Variants in PROSER2 observed in about 807,000 individuals in gnomAD.
PROSER2 encodes the protein proline and serine rich 2.
PROSER2 carries 18 observed loss-of-function variants against 14.6 expected under a neutral mutation model. That is an observed-to-expected ratio of 1.23 (90% CI 0.85 to 1.83). PROSER2 has a LOEUF of 1.83. Among genes scored for constraint, PROSER2 ranks in the 40% most tolerant of loss-of-function variants. PROSER2 has a pLI of 0.00. For missense variants in PROSER2, 823 were observed against 629.8 expected, an observed-to-expected ratio of 1.31 and a Z score of -3.28; for synonymous variants, 367 against 286.4, an observed-to-expected ratio of 1.28 and a Z score of -2.84.
In PROSER2 at chr10:11,852,054, G is replaced by C; in HGVS notation, c.-24G>C. 1 of 1,586,272 alleles carries C rather than the reference G, an allele frequency of 6.3e-7. No homozygotes were observed. Among genetic ancestry groups the C allele is most frequent in the Non-Finnish European group, 8.6e-7 (1 of 1,164,782 alleles). On this transcript the variant is annotated 5_prime_UTR_variant, in exon 2 of 4. Coordinates refer to ENST00000277570, the MANE Select transcript of PROSER2 (RefSeq NM_153256.4). The stretch of plus-strand genomic sequence containing the variant: ...CTCCTGCCCTGCTTCCTGTGATCGA[G>C]CCGGCCCTGAGGACTCTGTGGAGAT...
chr10:11,869,830 C>T lies in PROSER2; in HGVS notation c.732C>T (p.His244=), dbSNP rs1834433651. 2 of 1,573,812 alleles carry T rather than the reference C, an allele frequency of 1.3e-6. No individual in the cohort carries two copies. Among genetic ancestry groups the T allele is most frequent in the East Asian group, 2.3e-5 (1 of 43,582 alleles). Residue 244 remains histidine (H), a synonymous_variant, in exon 4 of 4, where the codon CAC becomes CAT. Coordinates refer to ENST00000277570, the MANE Select transcript of PROSER2 (RefSeq NM_153256.4). The surrounding 1 kb of genome is among the most constrained non-coding windows in gnomAD (Gnocchi z 4.4). ...RSGDPGPGPS[H]PAQPKAPRFP... Reference sequence around the variant, plus strand: ...GAGACCCTGGCCCGGGGCCCAGCCACCCGGCGCAGCCCAAGGCACCCCGCT... The same window carrying T: ...GAGACCCTGGCCCGGGGCCCAGCCATCCGGCGCAGCCCAAGGCACCCCGCT...
chr10:11,846,602 T>G (rs1055972913), intron 1 of PROSER2, among the ~76,000 whole-genome samples: 1 of 152,226 alleles, frequency 6.6e-6, no homozygotes, highest in Non-Finnish European at 1.5e-5. Context: ...ATTTTTTAGG[T>G]CGATAGCATT....
chr10:11,832,382 A>G (rs1204952084), intron 1 of PROSER2, among the ~76,000 whole-genome samples: 1 of 152,186 alleles, frequency 6.6e-6, no homozygotes, highest in African/African-American at 2.4e-5. Flanking sequence ...GTTGCTTCAT[A>G]TGCTTCATAT....
At chr10:11,841,899 T>G (rs1833850411) in intron 1 of PROSER2, among the ~76,000 whole-genome samples, 1 of 152,188 alleles carries the variant, frequency 6.6e-6, no homozygotes, top group Non-Finnish European at 1.5e-5. Flanking sequence ...TCCCATTATA[T>G]TGTTTAAGTC....
chr10:11,860,226 T>C (rs1221856253), intron 2 of PROSER2, among the ~76,000 whole-genome samples: 4 of 152,178 alleles, frequency 2.6e-5, no homozygotes, highest in African/African-American at 9.7e-5. Context: ...CAGCACTCAC[T>C]CCAGCCCCAC....
intron 1 of PROSER2, among the ~76,000 whole-genome samples, chr10:11,833,235 C>CTTTTTTGTTTTTT (rs1833711691): frequency 1.1e-5 from 1 of 87,668 alleles, no homozygotes; most frequent in Non-Finnish European, 2.0e-5. Context: ...AATGTTGTGG[C>CTTTTTTGTTTTTT]TTTTTTTTTT....
intron 1 of PROSER2, among the ~76,000 whole-genome samples, chr10:11,839,877 G>A (rs1442521196): frequency 1.3e-5 from 2 of 151,394 alleles, no homozygotes; most frequent in African/African-American, 4.9e-5. Context: ...GGTGAAAATA[G>A]GAATGATTTT....
chr10:11,870,536 C>T lies in PROSER2; in HGVS notation c.*130C>T. On this transcript the variant is annotated 3_prime_UTR_variant, in exon 4 of 4. Coordinates refer to ENST00000277570, the MANE Select transcript of PROSER2 (RefSeq NM_153256.4). ...GGAGCCCCTGCCCTCTGTGGCACAT[C>T]GGAGTCTAGAGGTGCCTGGCTGGGG... 1.2e-6 allele frequency: 1 copy of T among 806,896 alleles called. No homozygotes were observed. The allele number at this position is 806,896 out of a possible 1,614,324, so 50.0% of individuals were successfully genotyped here. A position where few individuals can be genotyped will look rare whatever the true frequency, so the allele number is the denominator to read the frequency against.
In PROSER2 at chr10:11,869,299, T is replaced by G; in HGVS notation, c.392-191T>G. 1.6e-6 allele frequency: 1 copy of G among 608,012 alleles called. No homozygotes were observed. The highest frequency in any genetic ancestry group is 2.0e-5 in the South Asian group (1 of 50,984). 37.7% of individuals were successfully genotyped at this position (608,012 alleles called of 1,614,324 possible). ...GTGATTGTCCCTTATCAGCGTGAGGTCATGAGCATGACATACCACCTTCTC... is the reference window on the plus strand; with the variant it reads ...GTGATTGTCCCTTATCAGCGTGAGGGCATGAGCATGACATACCACCTTCTC... On this transcript the variant is annotated intron_variant, in intron 3 of 3. Transcript: ENST00000277570. The surrounding 1 kb of genome is among the most constrained non-coding windows in gnomAD (Gnocchi z 4.4).
chr10:11,870,037 G>A lies in PROSER2; in HGVS notation c.939G>A (p.Pro313=), dbSNP rs574328858. The part of the protein sequence containing the change: ...GEGAPGGGSS[P]ERVARGRGLP... ...GGGCCCCAGGGGGCGGCTCCTCCCCGGAGCGGGTGGCGCGTGGCCGGGGCC... is the reference window on the plus strand; with the variant it reads ...GGGCCCCAGGGGGCGGCTCCTCCCCAGAGCGGGTGGCGCGTGGCCGGGGCC... The change falls in exon 4 of 4, where the codon CCG becomes CCA. Residue 313 remains proline, a synonymous_variant. Transcript: ENST00000277570. 5.7e-6 allele frequency: 7 copies of A among 1,237,926 alleles called. No homozygotes were observed. Among genetic ancestry groups the A allele is most frequent in the Admixed American group, 4.4e-5 (1 of 22,766 alleles). 76.7% of individuals were successfully genotyped at this position (1,237,926 alleles called of 1,614,324 possible). A position where few individuals can be genotyped will look rare whatever the true frequency, so the allele number is the denominator to read the frequency against.
At chr10:11,844,873 T>C (rs1213293107) in intron 1 of PROSER2, among the ~76,000 whole-genome samples, 2 of 152,266 alleles carry the variant, frequency 1.3e-5, no homozygotes, top group African/African-American at 2.4e-5. Context: ...CCGCCCGCCT[T>C]GGCCTCCCAA....
Position 11,856,541 on chromosome 10 carries a change from A to C in PROSER2, c.138+4326A>C, listed in dbSNP as rs1325261395. On this transcript the variant is annotated intron_variant, in intron 2 of 3. Coordinates refer to ENST00000277570, the MANE Select transcript of PROSER2 (RefSeq NM_153256.4). The surrounding 1 kb of genome is among the most constrained non-coding windows in gnomAD (Gnocchi z 5.3). Reference sequence around the variant, plus strand: ...TGTGAGGGTGGCTGGGGACATCCCAAGTCTACCTGTTATTTGTTTTTACCT... The same window carrying C: ...TGTGAGGGTGGCTGGGGACATCCCACGTCTACCTGTTATTTGTTTTTACCT... 6.6e-6 allele frequency among the ~76,000 whole-genome samples: 1 copy of C among 152,242 alleles called. No homozygotes were observed. Among genetic ancestry groups the C allele is most frequent in the African/African-American group, 2.4e-5 (1 of 41,466 alleles).
chr10:11,826,783 T>G (rs1057367058), intron 1 of PROSER2, among the ~76,000 whole-genome samples: 5 of 151,992 alleles, frequency 3.3e-5, no homozygotes, highest in African/African-American at 1.2e-4. Flanking sequence ...GGTTTCGCCG[T>G]GTTAGCCAGG....
chr10:11,826,079 C>T (rs79581080), intron 1 of PROSER2, among the ~76,000 whole-genome samples: 87 of 152,206 alleles, frequency 5.7e-4, no homozygotes, highest in Non-Finnish European at 1.2e-3. Flanking sequence ...CCTTCTGTCT[C>T]GGTAGACTTG....
intron 1 of PROSER2, among the ~76,000 whole-genome samples, chr10:11,843,547 G>A (rs537847121): frequency 4.6e-5 from 7 of 152,116 alleles, no homozygotes; most frequent in East Asian, 1.9e-4. Flanking sequence ...TTATAGGCGC[G>A]TGGTAGCACA....
rs145117032 is a variant in PROSER2, at chr10:11,837,328, C to A, written c.-82+13858C>A. On this transcript the variant is annotated intron_variant, in intron 1 of 3. Coordinates refer to ENST00000277570, the MANE Select transcript of PROSER2 (RefSeq NM_153256.4). The surrounding 1 kb of genome is among the most constrained non-coding windows in gnomAD (Gnocchi z 4.6). ...TTATATTAGTTTTGCTGTCACACTT[C>A]ATACGTTCAAGTTATGACCACTGTG... Among the ~76,000 whole-genome samples the A allele has an allele frequency of 8.5e-5, 13 of 152,326 alleles. No individual in the cohort carries two copies. Among genetic ancestry groups the A allele is most frequent in the African/African-American group, 3.1e-4 (13 of 41,588 alleles).
At chr10:11,867,641 C>A (rs536769953) in intron 3 of PROSER2, among the ~76,000 whole-genome samples, 1 of 152,300 alleles carries the variant, frequency 6.6e-6, no homozygotes, top group South Asian at 2.1e-4. Context: ...GAAAGAGAAT[C>A]TCATACCACT....
intron 1 of PROSER2, among the ~76,000 whole-genome samples, chr10:11,825,950 C>T (rs1833606119): frequency 6.6e-6 from 1 of 152,156 alleles, no homozygotes; most frequent in Non-Finnish European, 1.5e-5. Context: ...CATTCCATTC[C>T]CAATGTTATG....
At chr10:11,845,837 C>T (rs1042615291) in intron 1 of PROSER2, among the ~76,000 whole-genome samples, 5 of 152,160 alleles carry the variant, frequency 3.3e-5, no homozygotes, top group African/African-American at 4.8e-5. Flanking sequence ...GCTCCTGAGG[C>T]AGGAGAGTGA....
Sources: gnomAD v4.1 joint callset for allele counts (sites outside exome capture counted in the v4.1 genomes callset) on GRCh38, gnomAD v4.1.1 for gene constraint, Gnocchi (gnomAD v3.1) non-coding constraint, MANE v1.5 for transcripts, NCBI Gene and HGNC (gene_info 2026-07-23, HGNC 2026-07-21) for gene names.